The following NCOR2 variants were observed in gnomAD, a reference collection of about 807,000 sequenced individuals.
NCOR2 encodes CTG repeat protein 26.
Under a neutral mutation model 262.9 loss-of-function variants are expected in NCOR2, and 81 were observed. The observed-to-expected ratio is 0.31, with a 90% CI of 0.26 to 0.37. The LOEUF (loss-of-function observed/expected upper bound fraction) is 0.37, where lower values mean the gene tolerates loss of function less well. Among genes scored for constraint, NCOR2 ranks in the 10% least tolerant of loss-of-function variants. NCOR2 has a pLI of 1.00. For missense variants in NCOR2, 3,385 were observed against 3,621.4 expected, an observed-to-expected ratio of 0.93 and a Z score of 1.68; for synonymous variants, 1,659 against 1,559.3, an observed-to-expected ratio of 1.06 and a Z score of -1.51.
Position 124,557,484 on chromosome 12 carries a change from A to G in NCOR2, c.-165+9824T>C, listed in dbSNP as rs529729296. On this transcript the variant is annotated intron_variant, in intron 1 of 32. Transcript: ENST00000458234. The stretch of plus-strand genomic sequence containing the variant: ...CTCCTCTGTGTCTTTTTGTCCTCTT[A>G]TAAGGACACGGGCCACTGGATTTAG... 3.9e-5 allele frequency among the ~76,000 whole-genome samples: 6 copies of G among 152,032 alleles called. No homozygotes were observed. In the South Asian group the frequency reaches 8.3e-4, roughly 21 times the overall value.
intron 8 of NCOR2, among the ~76,000 whole-genome samples, chr12:124,436,368 G>A (rs1323492863): frequency 6.6e-6 from 1 of 152,124 alleles, no homozygotes; most frequent in Non-Finnish European, 1.5e-5. Flanking sequence ...TGGGGCAGGG[G>A]GCTGCAGGTA....
At chr12:124,415,471 T>C (rs1016438818) in intron 13 of NCOR2, among the ~76,000 whole-genome samples, 8 of 152,232 alleles carry the variant, frequency 5.3e-5, no homozygotes, top group African/African-American at 1.7e-4. Flanking sequence ...AGTTAGCACT[T>C]GAGAACCCCT....
chr12:124,336,816 G>A, exon 38 of NCOR2: 1 of 1,613,290 alleles, frequency 6.2e-7, no homozygotes, highest in Non-Finnish European at 8.5e-7. Context: ...TCCCGGTGCG[G>A]GTCCGAGGCC....
intron 12 of NCOR2, among the ~76,000 whole-genome samples, chr12:124,421,187 A>C (rs774500377): frequency 6.6e-6 from 1 of 152,082 alleles, no homozygotes; most frequent in Non-Finnish European, 1.5e-5. Flanking sequence ...CACTGTCAAG[A>C]CCTGACTGTC....
chr12:124,387,657 G>A (rs771520989), intron 16 of NCOR2, among the ~76,000 whole-genome samples: 1 of 152,228 alleles, frequency 6.6e-6, no homozygotes, highest in Non-Finnish European at 1.5e-5. Context: ...AAGGACAGGC[G>A]CAGAAGGGGA....
rs2045959805 is a variant in NCOR2, at chr12:124,457,779, C to T, written c.706-617G>A. ...GCGCAGGGCTCGGTGGCCGCTCCAT[C>T]AATAGGCTGGACCTCCGGGCCCCCA... is the stretch of plus-strand genomic sequence containing the variant. On this transcript the variant is annotated intron_variant, in intron 5 of 46. Transcript: ENST00000405201. The surrounding 1 kb of genome is among the most constrained non-coding windows in gnomAD (Gnocchi z 4.0). Among the ~76,000 whole-genome samples the T allele has an allele frequency of 6.6e-6, 1 of 152,176 alleles. No individual in the cohort carries two copies.
chr12:124,355,845 T>G, intron 23 of NCOR2, among the ~76,000 whole-genome samples: 1 of 152,142 alleles, frequency 6.6e-6, no homozygotes, highest in Non-Finnish European at 1.5e-5. Flanking sequence ...TCTCCCCATT[T>G]CCACTGTAGC....
chr12:124,353,440 G>A (rs963828861), intron 27 of NCOR2, among the ~76,000 whole-genome samples: 4 of 152,316 alleles, frequency 2.6e-5, no homozygotes, highest in African/African-American at 9.6e-5. Context: ...GGGATTTGAC[G>A]CTGCCTGAGT....
intron 44 of NCOR2, 120 bp from the exon 47 acceptor site, chr12:124,327,753 G>A (rs570636764): frequency 1.0e-5 from 7 of 684,342 alleles, no homozygotes; most frequent in African/African-American, 9.0e-5. Context: ...GAGGAGGAGA[G>A]AGAAATACAC....
intron 1 of NCOR2, among the ~76,000 whole-genome samples, chr12:124,515,625 G>A (rs1162269272): frequency 1.3e-5 from 2 of 148,272 alleles, no homozygotes; most frequent in Non-Finnish European, 3.0e-5. Context: ...GTATGGGTGT[G>A]TGTGCACGAC....
intron 11 of NCOR2, among the ~76,000 whole-genome samples, chr12:124,424,069 G>A (rs972621925): frequency 6.6e-6 from 1 of 152,174 alleles, no homozygotes; most frequent in African/African-American, 2.4e-5. Context: ...AGCCCCACGG[G>A]CCGGCAGATA....
At chr12:124,415,087 G>GC (rs1451860326) in intron 13 of NCOR2, among the ~76,000 whole-genome samples, 1 of 152,200 alleles carries the variant, frequency 6.6e-6, no homozygotes, top group Non-Finnish European at 1.5e-5. Context: ...GCCTGTCCCA[G>GC]CCTGCAGGTG....
chr12:124,466,035 C>T lies in NCOR2; in HGVS notation c.705+138G>A, dbSNP rs747748675. ...TCACCTTCCCCCACCCACTCATAAA[C>T]CCTGCGTCTCTGGGGGAGAGGGTGG... On this transcript the variant is annotated intron_variant, in intron 5 of 46. Transcript: ENST00000405201. 1.8e-5 allele frequency: 15 copies of T among 843,962 alleles called. 1 individual carries two copies. In the Middle Eastern group the frequency reaches 2.5e-3, roughly 143 times the overall value. The allele number at this position is 843,962 out of a possible 1,614,324, so 52.3% of individuals were successfully genotyped here. A position where few individuals can be genotyped will look rare whatever the true frequency, so the allele number is the denominator to read the frequency against.
At chr12:124,383,232 C>A (rs1043119715) in intron 17 of NCOR2, 3 of 173,106 alleles carry the variant, frequency 1.7e-5, no homozygotes, top group Non-Finnish European at 3.6e-5. Context: ...GAAACTGAGG[C>A]ACAGAGAGCA....
At chr12:124,510,152 G>A (rs1408698129) in intron 1 of NCOR2, among the ~76,000 whole-genome samples, 2 of 152,174 alleles carry the variant, frequency 1.3e-5, no homozygotes, top group Admixed American at 6.5e-5. Context: ...TCCAGGCCTC[G>A]GGGGCAGCCA....
chr12:124,362,196 G>T, exon 22 of NCOR2: 1 of 1,310,734 alleles, frequency 7.6e-7, no homozygotes, highest in Non-Finnish European at 9.7e-7. Context: ...GCTGAGGGGC[G>T]TCGCTCTCCG....
At chr12:124,388,925 G>A (rs1264267099) in intron 16 of NCOR2, 2 of 960,990 alleles carry the variant, frequency 2.1e-6, no homozygotes, top group South Asian at 1.8e-5. Flanking sequence ...GGCGGGCGGA[G>A]GCTGGCTCGA....
chr12:124,462,541 G>A (rs902795632), intron 5 of NCOR2, among the ~76,000 whole-genome samples: 2 of 152,242 alleles, frequency 1.3e-5, no homozygotes, highest in South Asian at 2.1e-4. Context: ...CAGCAGCCTC[G>A]CGGGGCTGAA....
At chr12:124,557,778 T>C (rs2051931140) in intron 1 of NCOR2, among the ~76,000 whole-genome samples, 1 of 152,112 alleles carries the variant, frequency 6.6e-6, no homozygotes, top group Non-Finnish European at 1.5e-5. Flanking sequence ...CCCGCTTGCC[T>C]TCCTCCCCTG....
Sources: gnomAD v4.1 joint callset for allele counts (sites outside exome capture counted in the v4.1 genomes callset) on GRCh38, gnomAD v4.1.1 for gene constraint, Gnocchi (gnomAD v3.1) non-coding constraint, MANE v1.5 for transcripts, NCBI Gene and HGNC (gene_info 2026-07-23, HGNC 2026-07-21) for gene names.